Variants in STXBP5L observed in about 807,000 individuals in gnomAD.
STXBP5L encodes the protein syntaxin binding protein 5L, also known as syntaxin-binding protein 5-like.
A neutral mutation model predicts 144.5 loss-of-function variants in STXBP5L; 65 were observed. The ratio of observed to expected loss-of-function variants is 0.45; its 90% confidence interval spans 0.37 to 0.55. The LOEUF (loss-of-function observed/expected upper bound fraction) is 0.55. Among genes scored for constraint, STXBP5L ranks in the 20% least tolerant of loss-of-function variants. The pLI is 0.00. For missense variants in STXBP5L, 1,298 were observed against 1,405.5 expected (o/e 0.92, Z 1.22); for synonymous variants, 505 against 469.6 (o/e 1.08, Z -0.97).
chr3:121,061,651 C>T (rs1363829701), intron 5 of STXBP5L, among the ~76,000 whole-genome samples: 1 of 152,180 alleles, frequency 6.6e-6, no homozygotes, highest in South Asian at 2.1e-4. Flanking sequence ...TCCGGGTGCT[C>T]CTGTATGTGG....
Position 121,302,380 on chromosome 3 carries a change from G to A in STXBP5L, c.2111-16095G>A, listed in dbSNP as rs534570846. Among the ~76,000 whole-genome samples the A allele has an allele frequency of 4.3e-3, 650 of 152,158 alleles. 3 individuals carry two copies. The highest frequency in any genetic ancestry group is 0.01 in the Middle Eastern group (3 of 294). On this transcript the variant is annotated intron_variant, in intron 19 of 26. Transcript: ENST00000471454. ...TGGTAGTTTGTATTTCTGTGGGATT[G>A]GTGGTGATATCCCCTTTATCATTTT...
intron 20 of STXBP5L, among the ~76,000 whole-genome samples, chr3:121,333,400 C>T (rs1362628084): frequency 6.6e-6 from 1 of 151,904 alleles, no homozygotes; most frequent in African/African-American, 2.4e-5. Context: ...ATTTATAGCA[C>T]TAAATACCCA....
At chr3:120,995,132 CTTGTTTTCTCTTT>C (rs1338021348) in intron 3 of STXBP5L, among the ~76,000 whole-genome samples, 11 of 151,908 alleles carry the variant, frequency 7.2e-5, no homozygotes, top group Non-Finnish European at 1.5e-4. Context: ...GTGTTTTCTG[CTTGTTTTCTCTTT>C]TTGTTTTCTT....
intron 3 of STXBP5L, among the ~76,000 whole-genome samples, chr3:120,998,828 A>G (rs1943552849): frequency 6.6e-6 from 1 of 152,190 alleles, no homozygotes; most frequent in Admixed American, 6.5e-5. Context: ...GAAGATCTGT[A>G]CAATCAGAAT....
intron 2 of STXBP5L, among the ~76,000 whole-genome samples, chr3:120,949,996 A>G (rs534358294): frequency 1.3e-5 from 2 of 152,008 alleles, no homozygotes; most frequent in South Asian, 2.1e-4. Context: ...ACCATTGTCT[A>G]CCTTTCCACA....
intron 22 of STXBP5L, among the ~76,000 whole-genome samples, chr3:121,386,060 T>G (rs2046419306): frequency 1.3e-5 from 2 of 152,180 alleles, no homozygotes; most frequent in Non-Finnish European, 2.9e-5. Flanking sequence ...TCAAATATAC[T>G]TATGAAATTC....
intron 22 of STXBP5L, among the ~76,000 whole-genome samples, chr3:121,398,214 A>G (rs905031998): frequency 6.6e-6 from 1 of 152,180 alleles, no homozygotes; most frequent in African/African-American, 2.4e-5. Flanking sequence ...TCCTGTATGT[A>G]TTTGTACCCG....
intron 3 of STXBP5L, among the ~76,000 whole-genome samples, chr3:121,004,164 G>C (rs1242164749): frequency 1.3e-5 from 2 of 152,104 alleles, no homozygotes; most frequent in African/African-American, 4.8e-5. Flanking sequence ...TCATGATATT[G>C]ATTCTTCCTA....
intron 20 of STXBP5L, among the ~76,000 whole-genome samples, chr3:121,363,988 C>G (rs1316435269): frequency 6.6e-6 from 1 of 152,032 alleles, no homozygotes; most frequent in Non-Finnish European, 1.5e-5. Context: ...CTATGTGTGG[C>G]CTTTTTACTC....
At chr3:120,997,618 G>T (rs930975283) in intron 3 of STXBP5L, among the ~76,000 whole-genome samples, 1 of 152,032 alleles carries the variant, frequency 6.6e-6, no homozygotes, top group Admixed American at 6.6e-5. Context: ...AATTTTTAGT[G>T]GGGTTGTTTG....
intron 5 of STXBP5L, among the ~76,000 whole-genome samples, chr3:121,095,657 G>C (rs1031404803): frequency 6.6e-6 from 1 of 152,078 alleles, no homozygotes; most frequent in Non-Finnish European, 1.5e-5. Flanking sequence ...AAGGACTTCT[G>C]TACATTGGTT....
At chr3:120,942,580 TC>T (rs1246509448) in intron 2 of STXBP5L, among the ~76,000 whole-genome samples, 2 of 151,436 alleles carry the variant, frequency 1.3e-5, no homozygotes, top group African/African-American at 4.8e-5. Context: ...AAGAATTTCC[TC>T]CCTTTTTTTT....
At chr3:121,292,335 A>G (rs753117149) in intron 19 of STXBP5L, among the ~76,000 whole-genome samples, 4 of 152,220 alleles carry the variant, frequency 2.6e-5, no homozygotes, top group Non-Finnish European at 4.4e-5. Context: ...CAAAATCACA[A>G]TGCAATACCA....
intron 3 of STXBP5L, among the ~76,000 whole-genome samples, chr3:120,962,420 T>C (rs1938958623): frequency 2.0e-5 from 3 of 152,240 alleles, no homozygotes; most frequent in African/African-American, 7.2e-5. Context: ...GTCTCACATG[T>C]AATTCTTTAA....
In STXBP5L at chr3:121,419,301, C is replaced by T. The variant is rs1186737112; in HGVS notation, c.*204C>T. 4.2e-6 allele frequency: 2 copies of T among 474,848 alleles called. No individual in the cohort carries two copies. Among genetic ancestry groups the T allele is most frequent in the Admixed American group, 4.1e-5 (1 of 24,610 alleles). 29.4% of individuals were successfully genotyped at this position (474,848 alleles called of 1,614,324 possible). Reference sequence around the variant, plus strand: ...CCCTGGTTAAAATCCCAAAATACGGCTGAATTTGCCTTTTCCCATGTGGAA... The same window carrying T: ...CCCTGGTTAAAATCCCAAAATACGGTTGAATTTGCCTTTTCCCATGTGGAA... On this transcript the variant is annotated 3_prime_UTR_variant, in exon 27 of 27. Coordinates refer to ENST00000471454, the MANE Select transcript of STXBP5L (RefSeq NM_001308330.2).
intron 20 of STXBP5L, among the ~76,000 whole-genome samples, chr3:121,328,471 G>A (rs569943610): frequency 3.9e-4 from 59 of 152,292 alleles, no homozygotes; most frequent in African/African-American, 1.2e-3. Flanking sequence ...CTTCACGGCT[G>A]GGCCTGGTGG....
chr3:121,007,122 C>T (rs1454684785), intron 3 of STXBP5L, among the ~76,000 whole-genome samples: 4 of 151,996 alleles, frequency 2.6e-5, no homozygotes, highest in Admixed American at 1.3e-4. Flanking sequence ...GGAAGTTCTC[C>T]AGCTTTTTAA....
intron 2 of STXBP5L, among the ~76,000 whole-genome samples, chr3:120,943,796 C>A (rs927017539): frequency 6.6e-6 from 1 of 151,022 alleles, no homozygotes; most frequent in African/African-American, 2.4e-5. Flanking sequence ...TGCCTTGGAC[C>A]CAGGAAACAA....
intron 5 of STXBP5L, among the ~76,000 whole-genome samples, chr3:121,113,899 C>A (rs1344182294): frequency 2.0e-5 from 3 of 151,962 alleles, no homozygotes. Flanking sequence ...GTCTTGATCT[C>A]TTGACCTCAT....
Sources: allele counts gnomAD v4.1 joint callset (sites outside exome capture counted in the v4.1 genomes callset), GRCh38; gene constraint gnomAD v4.1.1; transcripts MANE v1.5; gene names NCBI Gene and HGNC (gene_info 2026-07-23, HGNC 2026-07-21).